ZC4H2: variants seen among roughly 807,000 people sequenced by gnomAD.
The protein encoded by ZC4H2 is zinc finger C4H2 domain-containing protein.
For synonymous variants in ZC4H2, 84 were observed against 66.3 expected (o/e 1.27, Z -1.30); for missense variants, 137 against 173.9 (o/e 0.79, Z 1.19).
intron 1 of ZC4H2, among the ~76,000 whole-genome samples, chrX:65,011,692 G>A (rs768027604): frequency 9.1e-6 from 1 of 109,898 alleles, no homozygotes; most frequent in Non-Finnish European, 1.9e-5. Flanking sequence ...AGGGGATAAA[G>A]TATGCCATCT....
At chrX:64,944,625 G>C (rs906416715) in intron 1 of ZC4H2, among the ~76,000 whole-genome samples, 6 of 111,382 alleles carry the variant, frequency 5.4e-5, no homozygotes, top group African/African-American at 2.0e-4. Flanking sequence ...ATGTTGGCCT[G>C]TCTTGCTAAG....
At chrX:64,943,655 C>A (rs1442964669) in intron 1 of ZC4H2, among the ~76,000 whole-genome samples, 1 of 109,213 alleles carries the variant, frequency 9.2e-6, no homozygotes, top group African/African-American at 3.3e-5. Flanking sequence ...GCAGCCCCTG[C>A]TTTTTTTTTG....
At chrX:64,986,559 A>G (rs1441637696) in intron 1 of ZC4H2, among the ~76,000 whole-genome samples, 1 of 111,913 alleles carries the variant, frequency 8.9e-6, no homozygotes, top group Non-Finnish European at 1.9e-5. Flanking sequence ...GGGCATCCCA[A>G]GAGGTAGGAG....
intron 1 of ZC4H2, among the ~76,000 whole-genome samples, chrX:64,933,097 A>G (rs1427407518): frequency 9.0e-6 from 1 of 111,191 alleles, no homozygotes; most frequent in Non-Finnish European, 1.9e-5. Context: ...GGTTATTTCG[A>G]AAGTCTTGTC....
intron 3 of ZC4H2, 44 bp from the exon 4 acceptor site, chrX:64,919,248 G>A: frequency 8.4e-7 from 1 of 1,195,062 alleles, no homozygotes; most frequent in South Asian, 1.8e-5. Flanking sequence ...TGAAAGCAAT[G>A]AGAACCTTGC....
intron 1 of ZC4H2, among the ~76,000 whole-genome samples, chrX:65,032,876 A>G (rs1932953304): frequency 9.1e-6 from 1 of 110,364 alleles, no homozygotes; most frequent in African/African-American, 3.3e-5. Context: ...TCCTAGGTTC[A>G]AGTGATTCTA....
At chrX:64,997,444 C>T (rs1441822865) in intron 1 of ZC4H2, among the ~76,000 whole-genome samples, 1 of 112,227 alleles carries the variant, frequency 8.9e-6, no homozygotes, top group Non-Finnish European at 1.9e-5. Flanking sequence ...ACAGGCAAAT[C>T]TAACAGCCAG....
At chrX:64,924,058 C>A (rs1330990389) in intron 1 of ZC4H2, among the ~76,000 whole-genome samples, 1 of 111,859 alleles carries the variant, frequency 8.9e-6, no homozygotes, top group South Asian at 3.7e-4. Context: ...TGAAGATAAA[C>A]CTGAACTTTG....
intron 1 of ZC4H2, among the ~76,000 whole-genome samples, chrX:64,924,915 T>C (rs1377025099): frequency 2.7e-5 from 3 of 111,306 alleles, no homozygotes; most frequent in Non-Finnish European, 5.7e-5. Flanking sequence ...GGGAATTTTA[T>C]AATTTTAAGC....
At chrX:64,993,327 C>A (rs1275069084) in intron 1 of ZC4H2, among the ~76,000 whole-genome samples, 1 of 111,663 alleles carries the variant, frequency 9.0e-6, no homozygotes, top group Non-Finnish European at 1.9e-5. Flanking sequence ...CGTGTGTTGT[C>A]TGATTTATTG....
chrX:65,024,042 TG>T (rs1932857003), intron 1 of ZC4H2, among the ~76,000 whole-genome samples: 2 of 108,463 alleles, frequency 1.8e-5, no homozygotes, highest in African/African-American at 6.7e-5. Context: ...TATTCATAAG[TG>T]GGAGTTGAAC....
At chrX:64,951,698 T>C (rs1344792651) in intron 1 of ZC4H2, among the ~76,000 whole-genome samples, 2 of 111,224 alleles carry the variant, frequency 1.8e-5, no homozygotes, top group Non-Finnish European at 3.8e-5. Context: ...TTCTGGATAT[T>C]AGCCCTTTGT....
intron 1 of ZC4H2, among the ~76,000 whole-genome samples, chrX:64,952,516 C>A (rs1480106547): frequency 9.0e-6 from 1 of 110,829 alleles, no homozygotes; most frequent in East Asian, 2.8e-4. Context: ...CATTCTTATA[C>A]ACCAATAACA....
At chrX:64,997,748 C>T (rs1348735209) in intron 1 of ZC4H2, among the ~76,000 whole-genome samples, 2 of 111,446 alleles carry the variant, frequency 1.8e-5, no homozygotes, top group Non-Finnish European at 3.8e-5. Context: ...GCTGGGACTA[C>T]AGGCATGGCA....
upstream of ZC4H2, among the ~76,000 whole-genome samples, chrX:64,978,755 T>C (rs1046089205): frequency 9.0e-6 from 1 of 111,118 alleles, no homozygotes; most frequent in African/African-American, 3.3e-5. Flanking sequence ...AATATATATA[T>C]ATAGCAACCA....
intron 1 of ZC4H2, among the ~76,000 whole-genome samples, chrX:65,018,266 T>C (rs1932810388): frequency 8.9e-6 from 1 of 112,510 alleles, no homozygotes; most frequent in Non-Finnish European, 1.9e-5. Context: ...ACAGCTCTGG[T>C]CTGCAGCTCC....
At chrX:64,994,573 C>G (rs1007385517) in intron 1 of ZC4H2, among the ~76,000 whole-genome samples, 1 of 111,778 alleles carries the variant, frequency 8.9e-6, no homozygotes, top group African/African-American at 3.2e-5. Flanking sequence ...CCATTTCCAG[C>G]CTTTGAACTT....
intron 1 of ZC4H2, among the ~76,000 whole-genome samples, chrX:64,962,838 C>T (rs1221205865): frequency 1.8e-5 from 2 of 110,896 alleles, no homozygotes; most frequent in African/African-American, 6.5e-5. Flanking sequence ...GAAACTATAA[C>T]GTATTGATGA....
At chrX:64,950,270 A>T (rs1261369520) in intron 1 of ZC4H2, among the ~76,000 whole-genome samples, 1 of 111,759 alleles carries the variant, frequency 8.9e-6, no homozygotes, top group African/African-American at 3.3e-5. Flanking sequence ...ACTTCCAACT[A>T]TGTGGTCAAT....
Sources: gnomAD v4.1 joint callset for allele counts (sites outside exome capture counted in the v4.1 genomes callset) on GRCh38, gnomAD v4.1.1 for gene constraint, MANE v1.5 for transcripts, NCBI Gene and HGNC (gene_info 2026-07-23, HGNC 2026-07-21) for gene names.